The following FGGY variants were observed in gnomAD, a reference collection of about 807,000 sequenced individuals.
FGGY encodes the protein FGGY carbohydrate kinase domain containing, also known as FGGY carbohydrate kinase domain-containing protein.
A neutral mutation model predicts 71.3 loss-of-function variants in FGGY; 72 were observed. That is an observed-to-expected ratio of 1.01 (90% CI 0.84 to 1.23). The LOEUF (loss-of-function observed/expected upper bound fraction) is 1.23. Ranked by LOEUF, FGGY falls within the 50% of genes most tolerant of loss-of-function variation. The pLI is 0.00. For missense variants in FGGY, 668 were observed against 682.3 expected (o/e 0.98, Z 0.23); for synonymous variants, 251 against 250.3 (o/e 1.00, Z -0.02).
chr1:59,547,814 C>T (rs1471595868), intron 7 of FGGY, among the ~76,000 whole-genome samples: 1 of 152,162 alleles, frequency 6.6e-6, no homozygotes, highest in Non-Finnish European at 1.5e-5. Context: ...AGACACGGAG[C>T]CTTTGTCCGT....
chr1:59,429,635 C>T (rs141605249), intron 5 of FGGY, among the ~76,000 whole-genome samples: 27 of 152,332 alleles, frequency 1.8e-4, no homozygotes, highest in African/African-American at 6.3e-4. Flanking sequence ...CTCCTTCTCT[C>T]TCAGTTTATT....
chr1:59,379,935 G>A (rs1157252964), intron 5 of FGGY, among the ~76,000 whole-genome samples: 1 of 152,018 alleles, frequency 6.6e-6, no homozygotes, highest in Non-Finnish European at 1.5e-5. Flanking sequence ...ATCTCCTAAT[G>A]CTATCCCCCG....
intron 2 of FGGY, among the ~76,000 whole-genome samples, chr1:59,331,464 G>T (rs1360678600): frequency 6.6e-6 from 1 of 151,866 alleles, no homozygotes; most frequent in African/African-American, 2.4e-5. Context: ...GGACCTCTGC[G>T]CTCGCTGTTC....
At chr1:59,314,342 A>G (rs889670726) in intron 1 of FGGY, among the ~76,000 whole-genome samples, 4 of 152,182 alleles carry the variant, frequency 2.6e-5, no homozygotes, top group African/African-American at 9.7e-5. Flanking sequence ...TTTGAGGCCC[A>G]CACTTTGAGT....
At chr1:59,627,988 A>G (rs1298314212) in intron 10 of FGGY, among the ~76,000 whole-genome samples, 2 of 152,234 alleles carry the variant, frequency 1.3e-5, no homozygotes, top group Non-Finnish European at 2.9e-5. Flanking sequence ...AAATAATGGA[A>G]ATAGATAATC....
At chr1:59,328,044 T>C (rs1570435334) in intron 2 of FGGY, among the ~76,000 whole-genome samples, 1 of 152,212 alleles carries the variant, frequency 6.6e-6, no homozygotes, top group Admixed American at 6.5e-5. Flanking sequence ...CCTAGGATTT[T>C]TGGAATAGTA....
intron 14 of FGGY, among the ~76,000 whole-genome samples, chr1:59,727,856 A>G (rs2097967189): frequency 6.6e-6 from 1 of 152,166 alleles, no homozygotes; most frequent in Non-Finnish European, 1.5e-5. Context: ...TTTGCCTGAA[A>G]TTAATGTAAC....
intron 6 of FGGY, among the ~76,000 whole-genome samples, chr1:59,486,190 C>G (rs1317913643): frequency 6.6e-6 from 1 of 152,096 alleles, no homozygotes; most frequent in Non-Finnish European, 1.5e-5. Flanking sequence ...CAGAGGGAGA[C>G]CATGCGTTGG....
chr1:59,397,052 A>G (rs1353635964), intron 5 of FGGY, among the ~76,000 whole-genome samples: 1 of 138,508 alleles, frequency 7.2e-6, no homozygotes, highest in South Asian at 2.4e-4. Flanking sequence ...TTTTTTTTTT[A>G]AAAGAAAGGT....
intron 8 of FGGY, among the ~76,000 whole-genome samples, chr1:59,568,820 T>G (rs886994736): frequency 2.0e-5 from 3 of 152,172 alleles, no homozygotes; most frequent in Non-Finnish European, 4.4e-5. Flanking sequence ...TCTACTTCAG[T>G]GTTCTATCTC....
At chr1:59,665,607 T>C (rs529898554) in intron 12 of FGGY, among the ~76,000 whole-genome samples, 1 of 151,540 alleles carries the variant, frequency 6.6e-6, no homozygotes, top group South Asian at 2.1e-4. Context: ...GAGGCTCCAT[T>C]TGCCCTCTAC....
intron 14 of FGGY, among the ~76,000 whole-genome samples, chr1:59,718,400 T>C (rs537796429): frequency 6.6e-6 from 1 of 152,334 alleles, no homozygotes; most frequent in Non-Finnish European, 1.5e-5. Flanking sequence ...AATAAAGGGC[T>C]TGCCTTCTAG....
intron 7 of FGGY, among the ~76,000 whole-genome samples, chr1:59,514,742 C>T (rs2094600276): frequency 1.3e-5 from 2 of 152,168 alleles, no homozygotes; most frequent in South Asian, 4.1e-4. Flanking sequence ...TTTGCTTCTT[C>T]CTTATTCTTT....
intron 9 of FGGY, among the ~76,000 whole-genome samples, chr1:59,618,564 TTAAG>T (rs1558568971): frequency 1.3e-5 from 2 of 152,152 alleles, no homozygotes; most frequent in Non-Finnish European, 2.9e-5. Flanking sequence ...GACATTCTCT[TTAAG>T]TGTCTTGAAA....
intron 1 of FGGY, among the ~76,000 whole-genome samples, chr1:59,306,711 C>G (rs1386328006): frequency 6.6e-6 from 1 of 152,120 alleles, no homozygotes. Flanking sequence ...ATTATTGTCC[C>G]CAGGACAGAT....
chr1:59,312,324 G>A (rs2044493174), intron 1 of FGGY, among the ~76,000 whole-genome samples: 1 of 152,052 alleles, frequency 6.6e-6, no homozygotes, highest in Non-Finnish European at 1.5e-5. Flanking sequence ...CTTTAATATG[G>A]CTTTGTCCCT....
At chr1:59,469,170 C>CA (rs567837166) in intron 6 of FGGY, among the ~76,000 whole-genome samples, 180 of 152,344 alleles carry the variant, frequency 1.2e-3, no homozygotes, top group South Asian at 2.5e-3. Flanking sequence ...TTCATGAACT[C>CA]AGAGCCCACA....
At chr1:59,576,533 G>T (rs1160146164) in intron 8 of FGGY, among the ~76,000 whole-genome samples, 1 of 152,044 alleles carries the variant, frequency 6.6e-6, no homozygotes, top group Admixed American at 6.6e-5. Flanking sequence ...AAACCTGCAC[G>T]TTCTGCACAC....
At chr1:59,587,740 T>A (rs1440629568) in intron 8 of FGGY, among the ~76,000 whole-genome samples, 1 of 152,148 alleles carries the variant, frequency 6.6e-6, no homozygotes, top group Non-Finnish European at 1.5e-5. Flanking sequence ...GAGGGTCCTG[T>A]CTGTTAGAAG....
Sources: gnomAD v4.1 joint callset for allele counts (sites outside exome capture counted in the v4.1 genomes callset) on GRCh38, gnomAD v4.1.1 for gene constraint, MANE v1.5 for transcripts, NCBI Gene and HGNC (gene_info 2026-07-23, HGNC 2026-07-21) for gene names.